The following PRKCE variants were observed in gnomAD, a reference collection of about 807,000 sequenced individuals.
PRKCE encodes the protein protein kinase C epsilon type.
In PRKCE, 16 loss-of-function variants were observed where a neutral mutation model predicts 85.4. That is an observed-to-expected ratio of 0.19 (90% CI 0.13 to 0.28). The LOEUF (loss-of-function observed/expected upper bound fraction) is 0.28. Among genes scored for constraint, PRKCE ranks in the 10% least tolerant of loss-of-function variants. The pLI is 1.00. For missense variants in PRKCE, 573 were observed against 975.2 expected, an observed-to-expected ratio of 0.59 and a Z score of 5.49; for synonymous variants, 388 against 371.5, an observed-to-expected ratio of 1.04 and a Z score of -0.51.
At chr2:46,072,170 A>T (rs1243869178) in intron 10 of PRKCE, among the ~76,000 whole-genome samples, 1 of 152,272 alleles carries the variant, frequency 6.6e-6, no homozygotes, top group Non-Finnish European at 1.5e-5. Context: ...ATCTGTCATC[A>T]AATGAAAGTA....
intron 11 of PRKCE, among the ~76,000 whole-genome samples, chr2:46,112,300 T>C (rs1672334726): frequency 6.6e-6 from 1 of 152,218 alleles, no homozygotes. Flanking sequence ...AAAGTGGTTT[T>C]CTTTTAGAAA....
At chr2:45,787,365 A>G (rs1400863340) in intron 1 of PRKCE, among the ~76,000 whole-genome samples, 2 of 152,158 alleles carry the variant, frequency 1.3e-5, no homozygotes, top group Non-Finnish European at 2.9e-5. Flanking sequence ...AGAGAGAGAG[A>G]GAGACACAAA....
chr2:45,859,790 A>G (rs1469971428), intron 2 of PRKCE, among the ~76,000 whole-genome samples: 1 of 152,152 alleles, frequency 6.6e-6, no homozygotes, highest in Non-Finnish European at 1.5e-5. Flanking sequence ...ATCATGTCAC[A>G]TATCTGGGCT....
chr2:45,793,170 A>T (rs1447577215), intron 1 of PRKCE, among the ~76,000 whole-genome samples: 2 of 152,222 alleles, frequency 1.3e-5, no homozygotes, highest in Non-Finnish European at 2.9e-5. Context: ...TTGAGTAAAC[A>T]AAATGTCCTG....
chr2:45,876,515 C>T (rs115772169), intron 2 of PRKCE, among the ~76,000 whole-genome samples: 3,449 of 152,332 alleles, frequency 0.023, 74 homozygotes, highest in African/African-American at 0.061. Flanking sequence ...CAATACTTTT[C>T]AACCATTTGG....
chr2:45,946,860 A>G (rs1454324000), intron 2 of PRKCE, among the ~76,000 whole-genome samples: 1 of 152,158 alleles, frequency 6.6e-6, no homozygotes, highest in African/African-American at 2.4e-5. Context: ...AGAGGGGTCA[A>G]CTCCTATTAA....
At chr2:45,825,041 G>T (rs1415393019) in intron 1 of PRKCE, among the ~76,000 whole-genome samples, 1 of 152,170 alleles carries the variant, frequency 6.6e-6, no homozygotes, top group Non-Finnish European at 1.5e-5. Flanking sequence ...AAATGAGACT[G>T]CCTTTTTGTT....
rs751200495 is a variant in PRKCE at position 45,860,008 on chromosome 2, CT to C, written c.412+16951del. Among the ~76,000 whole-genome samples the C allele has an allele frequency of 2.6e-5, 4 of 152,252 alleles. No homozygotes were observed. In the East Asian group the frequency reaches 7.7e-4, roughly 29 times the overall value. ...TATACATAATATACTTCCTGGAAAT[CT>C]TTTTTGTTACTGGAGCTGCTTTTAT... On this transcript the variant is annotated intron_variant, in intron 2 of 14. Coordinates refer to ENST00000306156, the MANE Select transcript of PRKCE (RefSeq NM_005400.3).
At chr2:46,106,241 A>G (rs576298349) in intron 11 of PRKCE, among the ~76,000 whole-genome samples, 1 of 152,224 alleles carries the variant, frequency 6.6e-6, no homozygotes, top group African/African-American at 2.4e-5. Flanking sequence ...ATTTGAGCTC[A>G]CACCGATGTC....
intron 10 of PRKCE, among the ~76,000 whole-genome samples, chr2:46,052,580 C>T (rs749743639): frequency 5.3e-5 from 8 of 152,212 alleles, no homozygotes; most frequent in Non-Finnish European, 1.2e-4. Flanking sequence ...CCAAATTGAT[C>T]TCTACATTCA....
intron 10 of PRKCE, among the ~76,000 whole-genome samples, chr2:46,019,208 C>T (rs1706426773): frequency 6.6e-6 from 1 of 152,198 alleles, no homozygotes; most frequent in Non-Finnish European, 1.5e-5. Flanking sequence ...TGGCCAGGGC[C>T]ACTGACTATG....
At chr2:45,929,243 AC>A (rs1698855938) in intron 2 of PRKCE, among the ~76,000 whole-genome samples, 2 of 152,210 alleles carry the variant, frequency 1.3e-5, no homozygotes, top group Non-Finnish European at 2.9e-5. Flanking sequence ...GCCTTATATA[AC>A]ACGTGCTAAA....
chr2:45,957,987 C>A (rs538873673), intron 2 of PRKCE, among the ~76,000 whole-genome samples: 22 of 151,208 alleles, frequency 1.5e-4, no homozygotes, highest in Middle Eastern at 3.4e-3. Flanking sequence ...GTTCTCAACC[C>A]CTTCCCAGAG....
intron 2 of PRKCE, among the ~76,000 whole-genome samples, chr2:45,887,949 C>T (rs962295992): frequency 6.6e-6 from 1 of 152,226 alleles, no homozygotes; most frequent in Non-Finnish European, 1.5e-5. Context: ...TTCCCATCCT[C>T]TGCCCACATA....
chr2:45,953,764 G>A (rs969626784), intron 2 of PRKCE, among the ~76,000 whole-genome samples: 1 of 152,212 alleles, frequency 6.6e-6, no homozygotes. Context: ...TGATTCAGTT[G>A]TCTGTGGTGG....
At chr2:46,082,587 C>A (rs1188784437) in intron 10 of PRKCE, among the ~76,000 whole-genome samples, 1 of 152,144 alleles carries the variant, frequency 6.6e-6, no homozygotes, top group East Asian at 1.9e-4. Context: ...GCCTTGGAAA[C>A]TGGGCGTGGA....
intron 1 of PRKCE, among the ~76,000 whole-genome samples, chr2:45,739,658 G>T (rs754349896): frequency 6.6e-6 from 1 of 152,100 alleles, no homozygotes; most frequent in African/African-American, 2.4e-5. Context: ...AAAATTCTAG[G>T]GTTAGGAAAT....
intron 10 of PRKCE, among the ~76,000 whole-genome samples, chr2:46,042,052 C>T (rs1440050906): frequency 6.6e-6 from 1 of 152,192 alleles, no homozygotes; most frequent in Non-Finnish European, 1.5e-5. Context: ...TGTAGCTGAA[C>T]TCCAAATACT....
At chr2:45,779,618 AAGAG>A (rs1459433181) in intron 1 of PRKCE, among the ~76,000 whole-genome samples, 1 of 151,942 alleles carries the variant, frequency 6.6e-6, no homozygotes, top group South Asian at 2.1e-4. Context: ...AAAAAAAAAA[AAGAG>A]AAAATCTCCT....
Sources: gnomAD v4.1 joint callset for allele counts (sites outside exome capture counted in the v4.1 genomes callset) on GRCh38, gnomAD v4.1.1 for gene constraint, MANE v1.5 for transcripts, NCBI Gene and HGNC (gene_info 2026-07-23, HGNC 2026-07-21) for gene names.